The following LOXHD1 variants were observed in gnomAD, a reference collection of about 807,000 sequenced individuals.
The protein encoded by LOXHD1 is lipoxygenase homology domain-containing protein 1.
Under a neutral mutation model 248.2 loss-of-function variants are expected in LOXHD1, and 205 were observed. The observed-to-expected ratio is 0.83, with a 90% CI of 0.74 to 0.93. The LOEUF is 0.93. Ranked by LOEUF, LOXHD1 falls within the 40% of genes least tolerant of loss-of-function variation. The pLI is 0.00. For missense variants in LOXHD1, 2,930 were observed against 2,971.6 expected (o/e 0.99, Z 0.33); for synonymous variants, 1,113 against 1,162.8 (o/e 0.96, Z 0.87).
chr18:46,638,731 A>T (rs920903458), intron 4 of LOXHD1, among the ~76,000 whole-genome samples: 1 of 152,232 alleles, frequency 6.6e-6, no homozygotes, highest in African/African-American at 2.4e-5. Flanking sequence ...TGTCAAGTTT[A>T]GCTGGGAGGT....
At chr18:46,616,253 C>A (rs7229239) in intron 5 of LOXHD1, among the ~76,000 whole-genome samples, 3 of 151,920 alleles carry the variant, frequency 2.0e-5, no homozygotes, top group African/African-American at 7.3e-5. Flanking sequence ...TCTTTATTCC[C>A]TTTTATGTCT....
chr18:46,613,754 A>C (rs2038542610), intron 5 of LOXHD1, among the ~76,000 whole-genome samples: 1 of 152,206 alleles, frequency 6.6e-6, no homozygotes, highest in Non-Finnish European at 1.5e-5. Context: ...GGTTTTTAAA[A>C]AGTAAATAAT....
chr18:46,537,838 T>C (rs1474298936), intron 26 of LOXHD1, among the ~76,000 whole-genome samples: 1 of 152,214 alleles, frequency 6.6e-6, no homozygotes, highest in Non-Finnish European at 1.5e-5. Context: ...CTGGGAGCTA[T>C]GTTCCACCTG....
intron 20 of LOXHD1, 109 bp downstream of exon 20, chr18:46,559,339 G>C: frequency 6.5e-7 from 1 of 1,548,282 alleles, no homozygotes; most frequent in Non-Finnish European, 8.7e-7. Flanking sequence ...GGATGAACAA[G>C]TCACACTGCC....
Position 46,507,598 on chromosome 18 carries a change from C to T in LOXHD1, c.5632G>A (p.Glu1878Lys). 1 of 1,551,750 alleles carries T rather than the reference C, an allele frequency of 6.4e-7. No homozygotes were observed. Among genetic ancestry groups the T allele is most frequent in the South Asian group, 1.2e-5 (1 of 84,058 alleles). ...GAGGTCCACTCCATCATTTCTTCCT[C>T]ATCGATAACGGCACACATTTCACAC... ...LVCEMCAVID[E>K]EEMMEWTSYT... Residue 1878 changes from glutamate (E) to lysine (K), a missense_variant, in exon 36 of 41, where the codon GAG becomes AAG. Coordinates refer to ENST00000642948, the MANE Select transcript of LOXHD1 (RefSeq NM_001384474.1).
At chr18:46,619,517 A>G (rs962670685) in intron 4 of LOXHD1, among the ~76,000 whole-genome samples, 3 of 152,214 alleles carry the variant, frequency 2.0e-5, no homozygotes, top group African/African-American at 7.2e-5. Flanking sequence ...CTTCTCCTAG[A>G]TAATCTCTCC....
intron 1 of LOXHD1, among the ~76,000 whole-genome samples, chr18:46,653,156 A>G (rs1441248591): frequency 6.6e-6 from 1 of 152,150 alleles, no homozygotes; most frequent in Non-Finnish European, 1.5e-5. Context: ...CTGAGGCAGG[A>G]GAATTGCTTG....
chr18:46,571,679 A>G (rs1169084207), intron 15 of LOXHD1, among the ~76,000 whole-genome samples: 1 of 152,202 alleles, frequency 6.6e-6, no homozygotes, highest in Non-Finnish European at 1.5e-5. Flanking sequence ...CTCATGATCA[A>G]ACCAAAGCAA....
In LOXHD1 at chr18:46,477,769, GA is replaced by G; in HGVS notation, c.6524del (p.Phe2175SerfsTer2). 1 of 1,551,872 alleles carries G rather than the reference GA, an allele frequency of 6.4e-7. No individual in the cohort carries two copies. Among genetic ancestry groups the G allele is most frequent in the Non-Finnish European group, 8.7e-7 (1 of 1,147,038 alleles). On this transcript the variant is annotated frameshift_variant, in exon 41 of 41. Transcript: ENST00000642948. LOFTEE classifies it high-confidence loss of function. ...EPGAGTDANVFVTIFGANGDT... is the reference protein window; with the variant it reads ...EPGAGTDANVXVTIFGANGDT... ...CTCCGTTGGCCCCAAAGATGGTCAC[GA>G]AGACGTTGGCATCAGTGCCTGCCCC...
intron 23 of LOXHD1, among the ~76,000 whole-genome samples, chr18:46,543,641 C>T (rs904993405): frequency 1.3e-5 from 2 of 152,140 alleles, no homozygotes; most frequent in Non-Finnish European, 2.9e-5. Flanking sequence ...CTGTTCAACT[C>T]ACAGTGGGCA....
chr18:46,507,745 T>A (rs1250688211), intron 35 of LOXHD1, 33 bp from the exon 36 acceptor site: 2 of 1,535,820 alleles, frequency 1.3e-6, no homozygotes, highest in East Asian at 4.9e-5. Context: ...GGGAATGCCC[T>A]GTCCTCCCTC....
chr18:46,507,763 C>A lies in LOXHD1; in HGVS notation c.5518-51G>T, dbSNP rs943318923. 9.3e-6 allele frequency: 14 copies of A among 1,512,860 alleles called. No individual in the cohort carries two copies. In the African/African-American group the frequency reaches 1.8e-4, roughly 19 times the overall value. 93.7% of individuals were successfully genotyped at this position (1,512,860 alleles called of 1,614,324 possible). On this transcript the variant is annotated intron_variant, in intron 35 of 40. Coordinates refer to ENST00000642948, the MANE Select transcript of LOXHD1 (RefSeq NM_001384474.1). Reference sequence around the variant, plus strand: ...AATGCCCTGTCCTCCCTCACCTCCACCAGCACCCCCTGGCTCATGCAGCCC... The same window carrying A: ...AATGCCCTGTCCTCCCTCACCTCCAACAGCACCCCCTGGCTCATGCAGCCC...
At chr18:46,559,269 C>T in intron 20 of LOXHD1, 179 bp downstream of exon 20, 1 of 1,530,594 alleles carries the variant, frequency 6.5e-7, no homozygotes, top group Non-Finnish European at 8.8e-7. Flanking sequence ...CTGCAATTCT[C>T]TCATAACCCC....
At chr18:46,542,932 C>T (rs1568162701) in intron 23 of LOXHD1, 77 bp from the exon 24 acceptor site, 3 of 1,531,378 alleles carry the variant, frequency 2.0e-6, no homozygotes, top group Non-Finnish European at 2.6e-6. Flanking sequence ...ACCTTTAATC[C>T]CTTTTCAAAA....
intron 34 of LOXHD1, 52 bp from the exon 35 acceptor site, chr18:46,509,867 GTTGGGGT>G: frequency 3.1e-6 from 2 of 648,974 alleles, no homozygotes; most frequent in Non-Finnish European, 5.3e-6. Context: ...ATTGGGGAGG[GTTGGGGT>G]GGGCCAGGCC....
At chr18:46,545,757 G>A (rs1275766313) in intron 22 of LOXHD1, among the ~76,000 whole-genome samples, 3 of 146,492 alleles carry the variant, frequency 2.0e-5, no homozygotes, top group African/African-American at 7.6e-5. Flanking sequence ...AGCCTCCCAA[G>A]TAGCTGGGAC....
In LOXHD1 at chr18:46,485,158, T is replaced by C. The variant is rs907689730; in HGVS notation, c.6050-7A>G. The C allele has an allele frequency of 3.9e-6, 6 of 1,547,964 alleles. No individual in the cohort carries two copies. ...TCTATGACGATCTCGTAGGCTGTAA[T>C]GGAGGAGGTGGGGGAGGGTCAGCAC... On this transcript the variant is annotated splice_polypyrimidine_tract_variant and splice_region_variant and intron_variant, in intron 38 of 40. Transcript: ENST00000642948.
rs1446996648 is a variant in LOXHD1, at chr18:46,477,748, G to A, written c.6546C>T (p.Asn2182=). The change falls in exon 41 of 41, where the codon AAC becomes AAT. Residue 2182 remains asparagine (N), a synonymous_variant. Coordinates refer to ENST00000642948, the MANE Select transcript of LOXHD1 (RefSeq NM_001384474.1). ...ANVFVTIFGA[N]GDTGKRELKQ... ...TCAGCTCCCGCTTGCCTGTGTCTCC[G>A]TTGGCCCCAAAGATGGTCACGAAGA... 10 of 1,551,922 alleles carry A rather than the reference G, an allele frequency of 6.4e-6. No individual in the cohort carries two copies. Among genetic ancestry groups the A allele is most frequent in the South Asian group, 2.4e-5 (2 of 84,062 alleles).
Position 46,618,198 on chromosome 18 carries a change from C to G in LOXHD1, c.604G>C (p.Asp202His). 1 of 1,550,324 alleles carries G rather than the reference C, an allele frequency of 6.5e-7. No homozygotes were observed. The highest frequency in any genetic ancestry group is 8.7e-7 in the Non-Finnish European group (1 of 1,145,782). ...AATAATTCAAACCCATTACCTGTGT[C>G]TCCATACTCTCCAAAAATATTGATG... Reference protein sequence around the residue: ...VFINIFGEYGDTGERRLENEK... With the variant: ...VFINIFGEYGHTGERRLENEK... The change falls in exon 5 of 41, where the codon GAC (aspartate) becomes CAC (histidine). Residue 202 changes from aspartate to histidine, a missense_variant. By Grantham distance (81) the Asp-to-His change is moderately conservative. Transcript: ENST00000642948.
Sources: allele counts gnomAD v4.1 joint callset (sites outside exome capture counted in the v4.1 genomes callset), GRCh38; gene constraint gnomAD v4.1.1; transcripts MANE v1.5; gene names NCBI Gene and HGNC (gene_info 2026-07-23, HGNC 2026-07-21).